The following RNF214 variants were observed in gnomAD, a reference collection of about 807,000 sequenced individuals.
RNF214 encodes the protein ring finger protein 214.
In RNF214, 25 loss-of-function variants were observed where a neutral mutation model predicts 75.9. That is an observed-to-expected ratio of 0.33 (90% CI 0.24 to 0.46). The LOEUF (loss-of-function observed/expected upper bound fraction) is 0.46, where lower values mean the gene tolerates loss of function less well. Among genes scored for constraint, RNF214 ranks in the 20% least tolerant of loss-of-function variants. RNF214 has a pLI of 1.00. For synonymous variants in RNF214, 314 were observed against 308.8 expected (o/e 1.02, Z -0.18); for missense variants, 725 against 857.5 (o/e 0.85, Z 1.93).
intron 5 of RNF214, among the ~76,000 whole-genome samples, chr11:117,246,231 A>G (rs1296052750): frequency 6.6e-6 from 1 of 152,020 alleles, no homozygotes; most frequent in Non-Finnish European, 1.5e-5. Context: ...CCCAAAGTAC[A>G]AGGATTATAG....
intron 2 of RNF214, among the ~76,000 whole-genome samples, chr11:117,237,818 T>TA (rs2032951819): frequency 6.6e-6 from 1 of 152,116 alleles, no homozygotes; most frequent in African/African-American, 2.4e-5. Context: ...TTAGACAACT[T>TA]AAAGTGTAGG....
rs1272554428 is a variant in RNF214 at position 117,238,612 on chromosome 11, C to T, written c.119C>T (p.Ser40Phe). The change falls in exon 3 of 15, where the codon TCT becomes TTT. Residue 40 changes from serine (S) to phenylalanine (F), a missense_variant. By Grantham distance (155) the Ser-to-Phe change is radical (BLOSUM62 -2). Around this residue, in one of 2 missense-constraint regions of RNF214, gnomAD observed 362 missense variants for 344.5 expected, o/e 1.05. Coordinates refer to ENST00000300650, the MANE Select transcript of RNF214 (RefSeq NM_207343.4). ...GLPDGLSTKDSAQKQKNSPLL... is the reference protein window; with the variant it reads ...GLPDGLSTKDFAQKQKNSPLL... ...TGTGTGTTTGATAGCACCAAAGACT[C>T]TGCACAGAAGCAGAAGAACTCGCCT... 1.2e-6 allele frequency: 2 copies of T among 1,612,236 alleles called. No homozygotes were observed. The highest frequency in any genetic ancestry group is 2.2e-5 in the East Asian group (1 of 44,852).
chr11:117,281,769 C>T, intron 10 of RNF214, 71 bp downstream of exon 10: 1 of 1,513,548 alleles, frequency 6.6e-7, no homozygotes, highest in Non-Finnish European at 9.2e-7. Context: ...TCTGCGTGTT[C>T]TTTTTATGAA....
Position 117,284,822 on chromosome 11 carries a change from C to T in RNF214, c.2047-264C>T, listed in dbSNP as rs28989519. ...GTGAACGCCTGTAATCCCAGCTACT[C>T]GGGAGGCTGAGGCAGGAGAATAGCT... On this transcript the variant is annotated intron_variant, in intron 14 of 14. Coordinates refer to ENST00000300650, the MANE Select transcript of RNF214 (RefSeq NM_207343.4). Among the ~76,000 whole-genome samples, 503 of 151,946 alleles carry T rather than the reference C, an allele frequency of 3.3e-3. 2 individuals are homozygous for T. Among genetic ancestry groups the T allele is most frequent in the African/African-American group, 9.7e-3 (402 of 41,450 alleles).
At chr11:117,239,272 G>T in intron 3 of RNF214, 161 bp downstream of exon 3, 1 of 657,976 alleles carries the variant, frequency 1.5e-6, no homozygotes, top group Non-Finnish European at 2.6e-6. Flanking sequence ...GCCATACAAT[G>T]ACTTCATTCT....
chr11:117,282,150 T>A lies in RNF214; in HGVS notation c.1592T>A (p.Ile531Asn). The change falls in exon 11 of 15, where the codon ATC (isoleucine) becomes AAC (asparagine). Residue 531 changes from isoleucine to asparagine, a missense_variant. Coordinates refer to ENST00000300650, the MANE Select transcript of RNF214 (RefSeq NM_207343.4). ...CCACACATGCCCCCTGCCGCCTCCATCCCACCTCCCCCAGGCTTGGGCGGT... is the reference window on the plus strand; with the variant it reads ...CCACACATGCCCCCTGCCGCCTCCAACCCACCTCCCCCAGGCTTGGGCGGT... ...HGPHMPPAAS[I>N]PPPPGLGGVK... 1 of 1,613,946 alleles carries A rather than the reference T, an allele frequency of 6.2e-7. No individual in the cohort carries two copies. Among genetic ancestry groups the A allele is most frequent in the Non-Finnish European group, 8.5e-7 (1 of 1,179,950 alleles).
chr11:117,277,707 C>T (rs1295383131), intron 6 of RNF214, among the ~76,000 whole-genome samples: 3 of 152,214 alleles, frequency 2.0e-5, no homozygotes, highest in Non-Finnish European at 4.4e-5. Context: ...CGTGGTGGCT[C>T]ACGCCTATAA....
intron 6 of RNF214, among the ~76,000 whole-genome samples, chr11:117,265,067 C>CA (rs879708710): frequency 0.021 from 2,555 of 121,126 alleles, 66 homozygotes; most frequent in African/African-American, 0.064. Flanking sequence ...GACTCTATCT[C>CA]AAAAAAAAAA....
chr11:117,256,683 T>G (rs183825684), intron 6 of RNF214, among the ~76,000 whole-genome samples: 2 of 152,308 alleles, frequency 1.3e-5, no homozygotes, highest in African/African-American at 4.8e-5. Context: ...CAGGCTCTCT[T>G]AAGGCTTAGA....
chr11:117,264,907 TA>T (rs528216283), intron 6 of RNF214, among the ~76,000 whole-genome samples: 5 of 148,250 alleles, frequency 3.4e-5, no homozygotes, highest in South Asian at 2.1e-4. Context: ...CTACTAAAAA[TA>T]AAAAAAAAAT....
intron 5 of RNF214, among the ~76,000 whole-genome samples, chr11:117,245,304 A>G (rs955507246): frequency 6.7e-6 from 1 of 150,044 alleles, no homozygotes; most frequent in African/African-American, 2.4e-5. Context: ...GAGTGACAGA[A>G]CGATACCCTG....
chr11:117,245,198 G>A (rs56189057), intron 5 of RNF214, among the ~76,000 whole-genome samples: 1 of 150,322 alleles, frequency 6.7e-6, no homozygotes, highest in African/African-American at 2.4e-5. Context: ...GTGCACCTGT[G>A]GTCCCAGCTA....
rs2032986300 is a variant in RNF214 at position 117,238,768 on chromosome 11, A to G, written c.275A>G (p.Asn92Ser). 6.2e-7 allele frequency: 1 copy of G among 1,614,040 alleles called. No individual in the cohort carries two copies. ...GCGCACCAGGTGGTTTTAGGAGAAA[A>G]CTTGATAGCCACAGCCCTTTGTCTT... ...SAAHQVVLGE[N>S]LIATALCLSG... The change falls in exon 3 of 15, where the codon AAC becomes AGC. Residue 92 changes from asparagine to serine, a missense_variant. Asn to Ser is a conservative substitution (Grantham distance 46, BLOSUM62 1). Around this residue, in one of 2 missense-constraint regions of RNF214, gnomAD observed 362 missense variants for 344.5 expected, o/e 1.05. Transcript: ENST00000300650.
At chr11:117,252,146 G>C (rs1400856688) in intron 6 of RNF214, among the ~76,000 whole-genome samples, 1 of 152,210 alleles carries the variant, frequency 6.6e-6, no homozygotes, top group Non-Finnish European at 1.5e-5. Context: ...TGGGATTACA[G>C]GTGTGAGCCA....
chr11:117,270,836 C>G (rs1475249006), intron 6 of RNF214, among the ~76,000 whole-genome samples: 1 of 152,216 alleles, frequency 6.6e-6, no homozygotes, highest in Admixed American at 6.5e-5. Context: ...AGCAGTCCTC[C>G]TGCCTGTGCC....
rs200952832 is a variant in RNF214, at chr11:117,235,769, C to T, written c.107+1390C>T. 5.3e-5 allele frequency among the ~76,000 whole-genome samples: 8 copies of T among 152,094 alleles called. No individual in the cohort carries two copies. In the East Asian group the frequency reaches 1.4e-3, roughly 26 times the overall value. ...ATTTTTATATTTTAAAAAATGGACA[C>T]GATAATTGTACGTATTCATGGGGGT... On this transcript the variant is annotated intron_variant, in intron 2 of 14. Coordinates refer to ENST00000300650, the MANE Select transcript of RNF214 (RefSeq NM_207343.4).
At chr11:117,274,520 A>G (rs913714393) in intron 6 of RNF214, among the ~76,000 whole-genome samples, 3 of 149,482 alleles carry the variant, frequency 2.0e-5, no homozygotes, top group African/African-American at 4.9e-5. Context: ...CCACTACCAC[A>G]CTCGGCTAAT....
intron 4 of RNF214, among the ~76,000 whole-genome samples, chr11:117,243,472 TA>T (rs1206267409): frequency 1.3e-5 from 2 of 152,196 alleles, no homozygotes; most frequent in Non-Finnish European, 2.9e-5. Context: ...AAAATGATTA[TA>T]ATAGGATATT....
At chr11:117,245,090 G>A (rs1029937779) in intron 5 of RNF214, among the ~76,000 whole-genome samples, 16 of 151,478 alleles carry the variant, frequency 1.1e-4, no homozygotes, top group African/African-American at 1.2e-4. Context: ...AGGTTGAGGC[G>A]GGTGGATCAG....
Sources: gnomAD v4.1 joint callset for allele counts (sites outside exome capture counted in the v4.1 genomes callset) on GRCh38, gnomAD v4.1.1 for gene constraint, gnomAD v4.1.1 regional missense constraint, MANE v1.5 for transcripts, NCBI Gene and HGNC (gene_info 2026-07-23, HGNC 2026-07-21) for gene names.